The following CA10 variants were observed in gnomAD, a reference collection of about 807,000 sequenced individuals.
CA10 encodes carbonic anhydrase 10 (inactive), also known as carbonic anhydrase-related protein 10.
In CA10, 14 loss-of-function variants were observed where a neutral mutation model predicts 44.2. The ratio of observed to expected loss-of-function variants is 0.32; its 90% CI spans 0.21 to 0.50. The LOEUF is 0.50. Ranked by LOEUF, CA10 falls within the 20% of genes least tolerant of loss-of-function variation. The pLI is 0.99. For synonymous variants in CA10, 159 were observed against 141.6 expected (o/e 1.12, Z -0.87); for missense variants, 350 against 409.7 (o/e 0.85, Z 1.26).
chr17:51,671,760 C>T (rs753796427), intron 4 of CA10, among the ~76,000 whole-genome samples: 1 of 152,168 alleles, frequency 6.6e-6, no homozygotes, highest in Non-Finnish European at 1.5e-5. Context: ...ATTGTTTTGG[C>T]TGTAATTTCT....
intron 3 of CA10, among the ~76,000 whole-genome samples, chr17:51,856,982 C>T (rs1200621541): frequency 6.6e-6 from 1 of 152,142 alleles, no homozygotes; most frequent in Non-Finnish European, 1.5e-5. Context: ...TCTGTGTGTA[C>T]ATGTGTTACA....
At chr17:52,008,650 T>C (rs1326422529) in intron 2 of CA10, among the ~76,000 whole-genome samples, 1 of 151,640 alleles carries the variant, frequency 6.6e-6, no homozygotes, top group African/African-American at 2.4e-5. Flanking sequence ...ATCTTTCTTT[T>C]ACTTAGGAAA....
At chr17:52,091,056 T>G (rs1988245446) in intron 1 of CA10, among the ~76,000 whole-genome samples, 1 of 152,134 alleles carries the variant, frequency 6.6e-6, no homozygotes, top group Non-Finnish European at 1.5e-5. Flanking sequence ...TAATGTTTTT[T>G]GAAGATTATG....
intron 2 of CA10, among the ~76,000 whole-genome samples, chr17:51,940,741 G>A (rs150444577): frequency 2.9e-4 from 44 of 150,950 alleles, no homozygotes; most frequent in African/African-American, 9.0e-4. Context: ...GGTTGTTCTG[G>A]CTCCAGATTC....
chr17:52,047,006 A>T (rs1295550870), intron 2 of CA10, among the ~76,000 whole-genome samples: 1 of 151,980 alleles, frequency 6.6e-6, no homozygotes, highest in Non-Finnish European at 1.5e-5. Flanking sequence ...ACATATGTTC[A>T]TACACGGACT....
rs563077084 is a variant in CA10, at chr17:51,663,293, C to G, written c.466-9557G>C. Among the ~76,000 whole-genome samples, 288 of 89,746 alleles carry G rather than the reference C, an allele frequency of 3.2e-3. 1 individual carries two copies. The highest frequency in any genetic ancestry group is 0.014 in the African/African-American group (272 of 19,554). 58.9% of individuals were successfully genotyped at this position (89,746 alleles called of 152,430 possible). A position where few individuals can be genotyped will look rare whatever the true frequency, so the allele number is the denominator to read the frequency against. ...CATCCTTCAACTTCTTATAAAGGAG[C>G]TGCTGAAAGCCAGAGTGGGATGAGC... On this transcript the variant is annotated intron_variant, in intron 4 of 8. Coordinates refer to ENST00000451037, the MANE Select transcript of CA10 (RefSeq NM_020178.5).
At chr17:51,773,821 C>T (rs1243810091) in intron 3 of CA10, among the ~76,000 whole-genome samples, 1 of 152,304 alleles carries the variant, frequency 6.6e-6, no homozygotes, top group East Asian at 1.9e-4. Flanking sequence ...TTCCTGCTTT[C>T]AGAACTCTCA....
chr17:52,134,074 G>GA (rs1989298793), intron 1 of CA10, among the ~76,000 whole-genome samples: 1 of 152,310 alleles, frequency 6.6e-6, no homozygotes, highest in East Asian at 1.9e-4. Context: ...ATGTTTCAAA[G>GA]AGCTGTTCCC....
At chr17:51,821,681 G>C (rs1907809055) in intron 3 of CA10, among the ~76,000 whole-genome samples, 1 of 151,992 alleles carries the variant, frequency 6.6e-6, no homozygotes, top group African/African-American at 2.4e-5. Context: ...ATTTCACTCA[G>C]TGTAAAATCT....
At chr17:52,093,134 A>G (rs1019306638) in intron 1 of CA10, among the ~76,000 whole-genome samples, 48 of 152,306 alleles carry the variant, frequency 3.2e-4, no homozygotes, top group African/African-American at 1.1e-3. Context: ...ATATGTATAT[A>G]TGTGTAGATA....
chr17:52,119,964 G>C (rs907731561), intron 1 of CA10, among the ~76,000 whole-genome samples: 11 of 152,242 alleles, frequency 7.2e-5, no homozygotes, highest in African/African-American at 2.6e-4. Context: ...TAAAAATCTG[G>C]ATCAAATAGT....
At chr17:51,932,578 C>T (rs559211909) in intron 2 of CA10, among the ~76,000 whole-genome samples, 1 of 152,198 alleles carries the variant, frequency 6.6e-6, no homozygotes, top group East Asian at 1.9e-4. Context: ...TTGGTTTCAT[C>T]CATGCCAATA....
intron 2 of CA10, among the ~76,000 whole-genome samples, chr17:52,003,096 G>A (rs1985482928): frequency 6.6e-6 from 1 of 151,850 alleles, no homozygotes; most frequent in Non-Finnish European, 1.5e-5. Flanking sequence ...TTTTCCTCAG[G>A]TTATACGATG....
At chr17:52,077,088 G>A (rs1018293309) in intron 1 of CA10, among the ~76,000 whole-genome samples, 1 of 152,220 alleles carries the variant, frequency 6.6e-6, no homozygotes, top group Non-Finnish European at 1.5e-5. Flanking sequence ...CACTGTGGCA[G>A]TTTGAGAACT....
chr17:51,781,401 A>C (rs977276245), intron 3 of CA10, among the ~76,000 whole-genome samples: 2 of 152,202 alleles, frequency 1.3e-5, no homozygotes, highest in Non-Finnish European at 2.9e-5. Flanking sequence ...TGAGTTCGGA[A>C]ATAGGCTCTA....
chr17:51,639,602 A>C (rs1161248662), intron 6 of CA10, among the ~76,000 whole-genome samples: 2 of 152,212 alleles, frequency 1.3e-5, no homozygotes, highest in African/African-American at 2.4e-5. Flanking sequence ...TCCAAGATGC[A>C]ACAGTCATCA....
intron 3 of CA10, among the ~76,000 whole-genome samples, chr17:51,803,929 G>GC (rs1308647333): frequency 6.6e-6 from 1 of 152,184 alleles, no homozygotes; most frequent in Admixed American, 6.5e-5. Flanking sequence ...GTAGTTAAGT[G>GC]CATAGGCCCA....
At chr17:51,658,697 A>G (rs1309022438) in intron 4 of CA10, among the ~76,000 whole-genome samples, 1 of 152,292 alleles carries the variant, frequency 6.6e-6, no homozygotes, top group South Asian at 2.1e-4. Flanking sequence ...TATTCCAAAC[A>G]CAATAGGAAG....
chr17:51,676,207 T>C (rs369564931), intron 4 of CA10, among the ~76,000 whole-genome samples: 3 of 152,282 alleles, frequency 2.0e-5, no homozygotes, highest in East Asian at 1.9e-4. Context: ...ACCAAACTGT[T>C]TTCCTATATT....
Sources: allele counts gnomAD v4.1 joint callset (sites outside exome capture counted in the v4.1 genomes callset), GRCh38; gene constraint gnomAD v4.1.1; transcripts MANE v1.5; gene names NCBI Gene and HGNC (gene_info 2026-07-23, HGNC 2026-07-21).